Variants in NKAIN1 observed in about 807,000 individuals in gnomAD.
The protein encoded by NKAIN1 is sodium/potassium-transporting ATPase subunit beta-1-interacting protein 1.
In NKAIN1, 13 loss-of-function variants were observed where a neutral mutation model predicts 31.6. The ratio of observed to expected loss-of-function variants is 0.41; its 90% CI spans 0.27 to 0.65. NKAIN1 has a LOEUF of 0.65. NKAIN1 is among the 30% of genes least tolerant of loss of function. The probability of loss-of-function intolerance (pLI) is 0.30; values close to 1 mark genes in which losing one functional copy is unlikely to be tolerated. For synonymous variants in NKAIN1, 104 were observed against 109.0 expected (o/e 0.95, Z 0.28); for missense variants, 193 against 262.2 (o/e 0.74, Z 1.82).
Position 31,239,214 on chromosome 1 carries a change from G to A in NKAIN1, c.54+280C>T, listed in dbSNP as rs1337731430. ...CGTCCCACAGCGCATCCCCCAACAG[G>A]AGGCCACTTGTACAGTGCGGGCGGG... On this transcript the variant is annotated intron_variant, in intron 1 of 6. Transcript: ENST00000373736. This position sits in a 1 kb window ranked among gnomAD's most constrained non-coding sequence, Gnocchi z 4.8. 6.6e-6 allele frequency among the ~76,000 whole-genome samples: 1 copy of A among 152,182 alleles called. No individual in the cohort carries two copies. The highest frequency in any genetic ancestry group is 1.5e-5 in the Non-Finnish European group (1 of 68,042).
intron 2 of NKAIN1, among the ~76,000 whole-genome samples, 156 bp downstream of exon 2, chr1:31,187,894 A>T (rs1645256705): frequency 1.3e-5 from 2 of 151,830 alleles, no homozygotes; most frequent in African/African-American, 4.8e-5. Context: ...GCAAAGAAGC[A>T]TGGGGCTGTG....
At chr1:31,211,878 G>T (rs969105136) in intron 1 of NKAIN1, among the ~76,000 whole-genome samples, 1 of 152,212 alleles carries the variant, frequency 6.6e-6, no homozygotes, top group South Asian at 2.1e-4. Context: ...GGAGGCGGAG[G>T]TTGCAATGAG....
At chr1:31,215,939 A>C (rs982785089) in intron 1 of NKAIN1, among the ~76,000 whole-genome samples, 12 of 152,122 alleles carry the variant, frequency 7.9e-5, no homozygotes, top group African/African-American at 2.9e-4. Context: ...CACAACTACA[A>C]ATGAGGGATG....
intron 4 of NKAIN1, 29 bp from the exon 5 acceptor site, chr1:31,182,619 G>A: frequency 6.2e-7 from 1 of 1,613,720 alleles, no homozygotes; most frequent in South Asian, 1.1e-5. Context: ...CGTCAGGGAG[G>A]AAGGAGGAGT....
chr1:31,192,574 G>A (rs1238160503), intron 1 of NKAIN1, among the ~76,000 whole-genome samples: 1 of 150,810 alleles, frequency 6.6e-6, no homozygotes, highest in African/African-American at 2.4e-5. Context: ...TTTTTGAGAT[G>A]GAGTCTCGCT....
chr1:31,223,359 G>C (rs1009278971), intron 1 of NKAIN1, among the ~76,000 whole-genome samples: 5 of 122,566 alleles, frequency 4.1e-5, no homozygotes, highest in African/African-American at 1.6e-4. Context: ...CTGGGAGACA[G>C]AGCAAGACTC....
chr1:31,232,647 C>T (rs1025964519), intron 1 of NKAIN1, among the ~76,000 whole-genome samples: 8 of 151,206 alleles, frequency 5.3e-5, no homozygotes, highest in Non-Finnish European at 8.8e-5. Context: ...TCACCCATCT[C>T]TCCTTAATAC....
chr1:31,231,217 T>C (rs989231731), intron 1 of NKAIN1, among the ~76,000 whole-genome samples: 2 of 152,052 alleles, frequency 1.3e-5, no homozygotes, highest in East Asian at 3.9e-4. Context: ...TTTCGTTGAC[T>C]GTAGTCACAC....
chr1:31,215,409 G>A (rs1480197956), intron 1 of NKAIN1, among the ~76,000 whole-genome samples: 15 of 152,148 alleles, frequency 9.9e-5, no homozygotes, highest in Non-Finnish European at 1.8e-4. Flanking sequence ...TCTGGACAGC[G>A]CTTCACCACT....
Position 31,220,003 on chromosome 1 carries a change from A to ACTTTTTTT in NKAIN1, c.54+19490_54+19491insAAAAAAAG, listed in dbSNP as rs138578415. ...GCTAAACCTGCTTCAGAACACTCAG[A>ACTTTTTTT]TTTTTTTTTTTTTTTTTTTTTGAGA... On this transcript the variant is annotated intron_variant, in intron 1 of 6. Transcript: ENST00000373736. 2.3e-5 allele frequency among the ~76,000 whole-genome samples: 3 copies of ACTTTTTTT among 127,784 alleles called. 1 individual carries two copies. The highest frequency in any genetic ancestry group is 1.6e-5 in the Non-Finnish European group (1 of 63,226). 83.8% of individuals were successfully genotyped at this position (127,784 alleles called of 152,430 possible).
chr1:31,219,237 G>A (rs1645542648), intron 1 of NKAIN1, among the ~76,000 whole-genome samples: 1 of 152,236 alleles, frequency 6.6e-6, no homozygotes, highest in South Asian at 2.1e-4. Flanking sequence ...GCATCTTTCA[G>A]CATATGGGAA....
intron 1 of NKAIN1, among the ~76,000 whole-genome samples, chr1:31,211,507 C>T (rs944107217): frequency 1.3e-5 from 2 of 151,782 alleles, no homozygotes; most frequent in Non-Finnish European, 2.9e-5. Context: ...TAAAGAAGAC[C>T]CAAATTTATG....
rs1249955379 is a variant in NKAIN1, at chr1:31,179,745, T to C, written c.*1958A>G. The C allele has an allele frequency of 6.6e-6, 1 of 152,110 alleles. No homozygotes were observed. Among genetic ancestry groups the C allele is most frequent in the Non-Finnish European group, 1.5e-5 (1 of 68,034 alleles). The allele number at this position is 152,110 out of a possible 1,614,324, so 9.4% of individuals were successfully genotyped here. A position where few individuals can be genotyped will look rare whatever the true frequency, so the allele number is the denominator to read the frequency against. On this transcript the variant is annotated 3_prime_UTR_variant, in exon 7 of 7. Transcript: ENST00000373736. ...AGACCCAATGGGCAGGACAGGAAGATAGAGAAGAAAACACCATCTTTAATC... is the reference window on the plus strand; with the variant it reads ...AGACCCAATGGGCAGGACAGGAAGACAGAGAAGAAAACACCATCTTTAATC...
At chr1:31,229,610 A>G (rs761990423) in intron 1 of NKAIN1, among the ~76,000 whole-genome samples, 9 of 151,734 alleles carry the variant, frequency 5.9e-5, no homozygotes, top group Non-Finnish European at 1.2e-4. Flanking sequence ...CAATGGCGTG[A>G]TCTCAGCTCA....
intron 1 of NKAIN1, among the ~76,000 whole-genome samples, chr1:31,198,779 T>C (rs1441538264): frequency 6.6e-6 from 1 of 150,792 alleles, no homozygotes; most frequent in Non-Finnish European, 1.5e-5. Context: ...GGGATGCCGT[T>C]GCCATAGGAA....
chr1:31,223,094 C>T (rs1263580549), intron 1 of NKAIN1, among the ~76,000 whole-genome samples: 10 of 152,214 alleles, frequency 6.6e-5, no homozygotes, highest in Admixed American at 2.6e-4. Context: ...GCTCCATAAA[C>T]GGCCAGGCGC....
chr1:31,232,081 G>C (rs6702410), intron 1 of NKAIN1, among the ~76,000 whole-genome samples: 128,757 of 147,898 alleles, frequency 0.87, 55,243 homozygotes, highest in East Asian at 1. Context: ...GCCCAGCTAA[G>C]TTTTTACCTT....
chr1:31,198,296 C>T lies in NKAIN1; in HGVS notation c.55-10109G>A, dbSNP rs115622529. On this transcript the variant is annotated intron_variant, in intron 1 of 6. Coordinates refer to ENST00000373736, the MANE Select transcript of NKAIN1 (RefSeq NM_024522.3). Reference sequence around the variant, plus strand: ...TTCATGCCACACTTATCCCAGGAAACGCATGCCCACCCAAGCTTCAGTGAC... The same window carrying T: ...TTCATGCCACACTTATCCCAGGAAATGCATGCCCACCCAAGCTTCAGTGAC... Among the ~76,000 whole-genome samples, 770 of 152,248 alleles carry T rather than the reference C, an allele frequency of 5.1e-3. 10 individuals carry two copies. Among genetic ancestry groups the T allele is most frequent in the African/African-American group, 0.017 (722 of 41,542 alleles).
intron 4 of NKAIN1, among the ~76,000 whole-genome samples, chr1:31,183,297 T>C (rs984569825): frequency 1.5e-4 from 23 of 152,138 alleles, no homozygotes; most frequent in African/African-American, 4.3e-4. Context: ...GATTGATTCA[T>C]AGTCTGATGC....
Sources: allele counts gnomAD v4.1 joint callset (sites outside exome capture counted in the v4.1 genomes callset), GRCh38; gene constraint gnomAD v4.1.1; non-coding constraint Gnocchi (gnomAD v3.1); transcripts MANE v1.5; gene names NCBI Gene and HGNC (gene_info 2026-07-23, HGNC 2026-07-21).